The following PDE4D variants were observed in gnomAD, a reference collection of about 807,000 sequenced individuals.
PDE4D encodes phosphodiesterase 4D.
A neutral mutation model predicts 87.4 loss-of-function variants in PDE4D; 24 were observed. The ratio of observed to expected loss-of-function variants is 0.27; its 90% CI spans 0.20 to 0.39. The LOEUF is 0.39. Ranked by LOEUF, PDE4D falls within the 10% of genes least tolerant of loss-of-function variation. PDE4D has a pLI of 1.00. For missense variants in PDE4D, 714 were observed against 1,041.0 expected (o/e 0.69, Z 4.32); for synonymous variants, 384 against 383.2 (o/e 1.00, Z -0.02).
intron 1 of PDE4D, among the ~76,000 whole-genome samples, chr5:60,316,458 C>T (rs1215575285): frequency 6.6e-6 from 1 of 152,128 alleles, no homozygotes; most frequent in Non-Finnish European, 1.5e-5. Flanking sequence ...TCCTGTTTTC[C>T]TAATTGAATA....
chr5:59,433,198 AG>A (rs904771844), intron 1 of PDE4D, among the ~76,000 whole-genome samples: 2 of 152,136 alleles, frequency 1.3e-5, no homozygotes, highest in Admixed American at 6.5e-5. Flanking sequence ...AGAATTTCCT[AG>A]GAGGGGTAAC....
rs1459556425 is a variant in PDE4D, at chr5:60,038,893, T to C, written c.43-50176A>G. ...AAATCAAAACCACAATGAGATACCA[T>C]CTCACACCAGTTAGAATGGTGATCA... On this transcript the variant is annotated intron_variant, in intron 2 of 16. Coordinates refer to the PDE4D transcript ENST00000502484. Among the ~76,000 whole-genome samples the C allele has an allele frequency of 9.9e-5, 15 of 151,376 alleles. No individual in the cohort carries two copies. In the East Asian group the frequency reaches 2.9e-3, roughly 30 times the overall value.
chr5:60,227,070 G>C (rs1470077508), intron 1 of PDE4D, among the ~76,000 whole-genome samples: 7 of 152,006 alleles, frequency 4.6e-5, no homozygotes, highest in African/African-American at 1.4e-4. Flanking sequence ...TATATAGATA[G>C]ATACACATAC....
chr5:59,172,226 T>C (rs7701945), intron 5 of PDE4D, among the ~76,000 whole-genome samples: 43,742 of 114,538 alleles, frequency 0.38, 9,219 homozygotes, highest in Middle Eastern at 0.47. Context: ...ATAATAAATA[T>C]ATAATAAATA....
chr5:59,492,157 C>T (rs1806331085), intron 1 of PDE4D, among the ~76,000 whole-genome samples: 1 of 152,164 alleles, frequency 6.6e-6, no homozygotes, highest in Non-Finnish European at 1.5e-5. Flanking sequence ...TGCATCACCT[C>T]TTTCTTCCTT....
intron 1 of PDE4D, among the ~76,000 whole-genome samples, chr5:59,769,611 A>T (rs6873513): frequency 0.02 from 3,024 of 152,332 alleles, 110 homozygotes; most frequent in African/African-American, 0.07. Context: ...AAATGTTGTA[A>T]CAAGAAAGTA....
intron 1 of PDE4D, chr5:59,275,490 T>C (rs1008998515): frequency 8.4e-5 from 128 of 1,531,588 alleles, no homozygotes; most frequent in Middle Eastern, 1.9e-4. Context: ...ATTTTAAAGA[T>C]ATTCCATTTC....
Position 60,478,878 on chromosome 5 carries a change from G to T in PDE4D, c.-90+9064C>A, listed in dbSNP as rs377089265. On this transcript the variant is annotated intron_variant, in intron 1 of 16. Coordinates refer to the PDE4D transcript ENST00000502484. ...CTTTTCCATAAACATACACATCTTT[G>T]TATGAGGAGAAAGTGAACCAAATCG... Among the ~76,000 whole-genome samples the T allele has an allele frequency of 2.0e-5, 3 of 152,208 alleles. No homozygotes were observed. The East Asian group carries it at 5.8e-4, about 29-fold the overall frequency.
intron 5 of PDE4D, among the ~76,000 whole-genome samples, chr5:59,099,676 TACAG>T (rs1770395872): frequency 6.6e-6 from 1 of 152,204 alleles, no homozygotes; most frequent in African/African-American, 2.4e-5. Flanking sequence ...GCTTTTTAAA[TACAG>T]ACAAACACAT....
intron 2 of PDE4D, among the ~76,000 whole-genome samples, chr5:60,137,986 T>C: frequency 6.6e-6 from 1 of 152,142 alleles, no homozygotes; most frequent in East Asian, 1.9e-4. Context: ...GGGGTCCAGT[T>C]TCAGTTTTCT....
At chr5:60,227,672 G>T (rs1745287675) in intron 1 of PDE4D, among the ~76,000 whole-genome samples, 1 of 150,532 alleles carries the variant, frequency 6.6e-6, no homozygotes, top group South Asian at 2.1e-4. Flanking sequence ...GGAAGGAAGG[G>T]TTTTACTTTT....
intron 6 of PDE4D, among the ~76,000 whole-genome samples, chr5:59,030,842 T>C (rs1757253076): frequency 6.6e-6 from 1 of 152,192 alleles, no homozygotes; most frequent in Non-Finnish European, 1.5e-5. Context: ...TTTTTTTCTC[T>C]TCAACTTTTA....
At chr5:59,768,331 G>A (rs766066406) in intron 1 of PDE4D, 1 of 1,598,286 alleles carries the variant, frequency 6.3e-7, no homozygotes, top group Non-Finnish European at 8.5e-7. Flanking sequence ...GGAATTTCTC[G>A]GAGAGATCAC....
chr5:59,816,012 C>T (rs1240646751), intron 1 of PDE4D, among the ~76,000 whole-genome samples: 1 of 152,184 alleles, frequency 6.6e-6, no homozygotes, highest in Non-Finnish European at 1.5e-5. Flanking sequence ...ATATCTAAAG[C>T]ACGAGTGAAT....
rs147811816 is a variant in PDE4D at position 59,926,905 on chromosome 5, A to G, written c.272+61583T>C. Among the ~76,000 whole-genome samples, 64 of 152,336 alleles carry G rather than the reference A, an allele frequency of 4.2e-4. 2 individuals carry two copies. The highest frequency in any genetic ancestry group is 1.5e-3 in the African/African-American group (63 of 41,590). ...ACAGTCTCCCAGCAAAGAAAAGCCCAGGATCTGATGGCCTCACTGCTGCAT... is the reference window on the plus strand; with the variant it reads ...ACAGTCTCCCAGCAAAGAAAAGCCCGGGATCTGATGGCCTCACTGCTGCAT... On this transcript the variant is annotated intron_variant, in intron 3 of 16. Coordinates refer to the PDE4D transcript ENST00000502484.
rs190129096 is a variant in PDE4D at position 60,043,831 on chromosome 5, G to A, written c.43-55114C>T. ...TTTCAAGGCAGGTCTACTGGTGACA[G>A]ATTCAGCCTTTGTCTGAGAAAGCAT... On this transcript the variant is annotated intron_variant, in intron 2 of 16. Transcript: ENST00000502484. Among the ~76,000 whole-genome samples, 533 of 152,308 alleles carry A rather than the reference G, an allele frequency of 3.5e-3. 1 individual carries two copies. The highest frequency in any genetic ancestry group is 5.9e-3 in the Non-Finnish European group (400 of 68,016).
intron 5 of PDE4D, among the ~76,000 whole-genome samples, chr5:59,170,941 G>A (rs557630630): frequency 2.6e-5 from 4 of 151,078 alleles, no homozygotes; most frequent in African/African-American, 9.7e-5. Flanking sequence ...GAGTGCAATG[G>A]TGCCATCTCG....
intron 1 of PDE4D, among the ~76,000 whole-genome samples, chr5:59,259,812 T>C (rs1412318662): frequency 6.6e-6 from 1 of 151,744 alleles, no homozygotes; most frequent in Non-Finnish European, 1.5e-5. Context: ...ATCAGAAATA[T>C]CCTAAGGGAC....
intron 1 of PDE4D, among the ~76,000 whole-genome samples, chr5:59,722,596 T>C (rs17742664): frequency 0.66 from 99,866 of 151,966 alleles, 34,295 homozygotes; most frequent in African/African-American, 0.84. Flanking sequence ...TAGGTGCTGG[T>C]TATTATCTAT....
Sources: allele counts gnomAD v4.1 joint callset (sites outside exome capture counted in the v4.1 genomes callset), GRCh38; gene constraint gnomAD v4.1.1; transcripts MANE v1.5; gene names NCBI Gene and HGNC (gene_info 2026-07-23, HGNC 2026-07-21).